COL8A1: variants seen among roughly 807,000 people sequenced by gnomAD.
COL8A1 encodes the protein collagen type VIII alpha 1 chain.
COL8A1 carries 21 observed loss-of-function variants against 42.7 expected under a neutral mutation model. That is an observed-to-expected ratio of 0.49 (90% CI 0.35 to 0.71). The LOEUF is 0.71. Among genes scored for constraint, COL8A1 ranks in the 30% least tolerant of loss-of-function variants. The pLI, the probability that COL8A1 is intolerant of heterozygous loss-of-function variation, is 0.01. For missense variants in COL8A1, 788 were observed against 962.4 expected, an observed-to-expected ratio of 0.82 and a Z score of 2.40; for synonymous variants, 367 against 369.1, an observed-to-expected ratio of 0.99 and a Z score of 0.06.
intron 2 of COL8A1, among the ~76,000 whole-genome samples, chr3:99,747,660 A>G (rs907210251): frequency 1.3e-5 from 2 of 152,198 alleles, no homozygotes; most frequent in African/African-American, 2.4e-5. Flanking sequence ...ATAAACTCCA[A>G]TTTTTGATGA....
intron 2 of COL8A1, among the ~76,000 whole-genome samples, chr3:99,781,789 C>G (rs1181936747): frequency 6.6e-6 from 1 of 152,206 alleles, no homozygotes; most frequent in African/African-American, 2.4e-5. Flanking sequence ...TGTGTATCGC[C>G]AGGTCCACGG....
At chr3:99,774,860 G>A (rs905474357) in intron 2 of COL8A1, among the ~76,000 whole-genome samples, 1 of 152,002 alleles carries the variant, frequency 6.6e-6, no homozygotes, top group Non-Finnish European at 1.5e-5. Context: ...TAATTAATAG[G>A]TGAAAGCATT....
chr3:99,709,397 T>G (rs1334485663), intron 1 of COL8A1, among the ~76,000 whole-genome samples: 1 of 152,176 alleles, frequency 6.6e-6, no homozygotes, highest in African/African-American at 2.4e-5. Context: ...ATGACCTTTT[T>G]AATGTCTATC....
chr3:99,718,712 C>G (rs1180449171), intron 1 of COL8A1, among the ~76,000 whole-genome samples: 1 of 151,848 alleles, frequency 6.6e-6, no homozygotes, highest in Non-Finnish European at 1.5e-5. Context: ...TTTACTGAAT[C>G]CATGTGATGA....
chr3:99,660,515 T>C (rs567057309), intron 1 of COL8A1, among the ~76,000 whole-genome samples: 12 of 152,074 alleles, frequency 7.9e-5, no homozygotes, highest in Non-Finnish European at 1.3e-4. Context: ...CGGAAGTCTG[T>C]GGTGGTGCAA....
chr3:99,670,200 T>G (rs1938499278), intron 1 of COL8A1, among the ~76,000 whole-genome samples: 1 of 151,984 alleles, frequency 6.6e-6, no homozygotes, highest in South Asian at 2.1e-4. Flanking sequence ...AAAAGAAAAA[T>G]ATTTTTAAGT....
At chr3:99,686,869 GT>G (rs891005273) in intron 1 of COL8A1, among the ~76,000 whole-genome samples, 5 of 151,888 alleles carry the variant, frequency 3.3e-5, no homozygotes, top group Non-Finnish European at 7.4e-5. Context: ...TTTGGGGGGG[GT>G]TCTGTTTGTT....
At chr3:99,681,744 A>G (rs1044399526) in intron 1 of COL8A1, among the ~76,000 whole-genome samples, 11 of 152,230 alleles carry the variant, frequency 7.2e-5, no homozygotes, top group African/African-American at 2.4e-4. Context: ...CTTTAAGACT[A>G]AGACAGATAT....
intron 2 of COL8A1, among the ~76,000 whole-genome samples, chr3:99,755,874 T>G (rs1941244041): frequency 1.3e-5 from 2 of 152,072 alleles, no homozygotes; most frequent in Non-Finnish European, 2.9e-5. Flanking sequence ...GGAGGGGAGT[T>G]CAGAGTTTAC....
In COL8A1 at chr3:99,796,155, C is replaced by G. The variant is rs780960231; in HGVS notation, c.*19C>G. The G allele has an allele frequency of 1.3e-5, 19 of 1,443,220 alleles. No individual in the cohort carries two copies. In the Middle Eastern group the frequency reaches 6.0e-4, roughly 46 times the overall value. 89.4% of individuals were successfully genotyped at this position (1,443,220 alleles called of 1,614,324 possible). A position where few individuals can be genotyped will look rare whatever the true frequency, so the allele number is the denominator to read the frequency against. The stretch of plus-strand genomic sequence containing the variant: ...CATGTAAAAACAAAAAAACAAAAAA[C>G]AAAGAAAAGAAAGAGATTTTATAGA... On this transcript the variant is annotated 3_prime_UTR_variant, in exon 4 of 4. Coordinates refer to ENST00000652472, the MANE Select transcript of COL8A1 (RefSeq NM_020351.4).
At chr3:99,660,011 G>C (rs1938149603) in intron 1 of COL8A1, among the ~76,000 whole-genome samples, 1 of 152,206 alleles carries the variant, frequency 6.6e-6, no homozygotes, top group Non-Finnish European at 1.5e-5. Flanking sequence ...AGCAAATAGA[G>C]CCAATAAACT....
Position 99,794,903 on chromosome 3 carries a change from G to A in COL8A1, c.1002G>A (p.Gly334=). 1.9e-6 allele frequency: 3 copies of A among 1,601,690 alleles called. No individual in the cohort carries two copies. The highest frequency in any genetic ancestry group is 1.7e-6 in the Non-Finnish European group (2 of 1,174,838). The change falls in exon 4 of 4, where the codon GGG becomes GGA. Residue 334 remains glycine, a synonymous_variant. Coordinates refer to ENST00000652472, the MANE Select transcript of COL8A1 (RefSeq NM_020351.4). This position sits in a 1 kb window ranked among gnomAD's most constrained non-coding sequence, Gnocchi z 4.3. ...PGQPGFPGGK[G]EQGLPGLPGP... Reference sequence around the variant, plus strand: ...AGCCAGGATTTCCAGGTGGCAAAGGGGAGCAAGGACTGCCAGGGCTACCAG... The same window carrying A: ...AGCCAGGATTTCCAGGTGGCAAAGGAGAGCAAGGACTGCCAGGGCTACCAG...
chr3:99,673,327 G>A (rs1438700191), intron 1 of COL8A1, among the ~76,000 whole-genome samples: 1 of 152,010 alleles, frequency 6.6e-6, no homozygotes, highest in Non-Finnish European at 1.5e-5. Flanking sequence ...GGGCTTGGTT[G>A]CCCTCCTTGA....
intron 1 of COL8A1, among the ~76,000 whole-genome samples, chr3:99,700,016 A>T (rs1323580879): frequency 6.6e-6 from 1 of 152,220 alleles, no homozygotes; most frequent in Non-Finnish European, 1.5e-5. Flanking sequence ...TAATGTGCGC[A>T]TGAGTCATCT....
At chr3:99,792,649 G>A (rs1051754043) in intron 3 of COL8A1, among the ~76,000 whole-genome samples, 16 of 152,132 alleles carry the variant, frequency 1.1e-4, no homozygotes, top group African/African-American at 3.9e-4. Context: ...CAGCTTAAGG[G>A]ACCCAGTCAC....
Position 99,738,578 on chromosome 3 carries a change from C to A in COL8A1, c.-128-6319C>A, listed in dbSNP as rs1215684199. Among the ~76,000 whole-genome samples, 4 of 152,180 alleles carry A rather than the reference C, an allele frequency of 2.6e-5. No individual in the cohort carries two copies. In the East Asian group the frequency reaches 7.7e-4, roughly 29 times the overall value. ...GACCCACTTGAGGAGGCAGTCTGCCCGTTCTCAGATCTCCAGCTGCGTGAT... is the reference window on the plus strand; with the variant it reads ...GACCCACTTGAGGAGGCAGTCTGCCAGTTCTCAGATCTCCAGCTGCGTGAT... On this transcript the variant is annotated intron_variant, in intron 1 of 3. Transcript: ENST00000652472.
chr3:99,725,497 G>A (rs999659801), intron 1 of COL8A1, among the ~76,000 whole-genome samples: 5 of 150,940 alleles, frequency 3.3e-5, no homozygotes, highest in African/African-American at 9.7e-5. Flanking sequence ...CATGTGCCAT[G>A]TTGGTGTGCT....
chr3:99,688,886 A>T (rs1240591654), intron 1 of COL8A1, among the ~76,000 whole-genome samples: 2 of 152,130 alleles, frequency 1.3e-5, no homozygotes, highest in African/African-American at 4.8e-5. Flanking sequence ...TGACCTGTGC[A>T]TTGTGAGAGT....
At chr3:99,665,455 T>A (rs1307380648) in intron 1 of COL8A1, among the ~76,000 whole-genome samples, 1 of 152,182 alleles carries the variant, frequency 6.6e-6, no homozygotes, top group Non-Finnish European at 1.5e-5. Context: ...CCTTTGGGTA[T>A]AAGGAGCGAT....
Sources: gnomAD v4.1 joint callset for allele counts (sites outside exome capture counted in the v4.1 genomes callset) on GRCh38, gnomAD v4.1.1 for gene constraint, Gnocchi (gnomAD v3.1) non-coding constraint, MANE v1.5 for transcripts, NCBI Gene and HGNC (gene_info 2026-07-23, HGNC 2026-07-21) for gene names.